Variants in PID1 observed in about 807,000 individuals in gnomAD.
PID1 encodes phosphotyrosine interaction domain containing 1.
PID1 carries 10 observed loss-of-function variants against 19.1 expected under a neutral mutation model. The observed-to-expected ratio is 0.52, with a 90% CI of 0.32 to 0.89. The LOEUF (loss-of-function observed/expected upper bound fraction) is 0.89. Among genes scored for constraint, PID1 ranks in the 40% least tolerant of loss-of-function variants. The pLI is 0.03. For missense variants in PID1, 248 were observed against 285.3 expected, an observed-to-expected ratio of 0.87 and a Z score of 0.94; for synonymous variants, 130 against 116.0, an observed-to-expected ratio of 1.12 and a Z score of -0.78.
intron 1 of PID1, among the ~76,000 whole-genome samples, chr2:229,225,174 A>C (rs971912535): frequency 2.0e-5 from 3 of 152,188 alleles, no homozygotes; most frequent in Non-Finnish European, 2.9e-5. Context: ...ATGATTAACC[A>C]GCAGCTAGAT....
intron 1 of PID1, among the ~76,000 whole-genome samples, chr2:229,244,056 T>C (rs2106278520): frequency 6.6e-6 from 1 of 152,274 alleles, no homozygotes; most frequent in South Asian, 2.1e-4. Flanking sequence ...TGGGACTAAA[T>C]TACTCATTTC....
chr2:229,034,816 T>G (rs912797708), intron 2 of PID1, among the ~76,000 whole-genome samples: 1 of 152,138 alleles, frequency 6.6e-6, no homozygotes, highest in Non-Finnish European at 1.5e-5. Flanking sequence ...TGTGATTTAT[T>G]GGGCAAATAA....
intron 2 of PID1, among the ~76,000 whole-genome samples, chr2:229,100,696 T>A (rs1695057348): frequency 6.6e-6 from 1 of 152,148 alleles, no homozygotes; most frequent in South Asian, 2.1e-4. Context: ...GATGGTTTGG[T>A]TCACTAAAAT....
intron 1 of PID1, among the ~76,000 whole-genome samples, chr2:229,203,337 G>A (rs1446601145): frequency 1.3e-5 from 2 of 152,060 alleles, no homozygotes; most frequent in Admixed American, 6.6e-5. Context: ...TATTAATAAA[G>A]TATAGTAAGT....
intron 2 of PID1, among the ~76,000 whole-genome samples, chr2:229,153,067 G>C (rs1188465185): frequency 1.3e-5 from 2 of 152,172 alleles, no homozygotes; most frequent in Non-Finnish European, 1.5e-5. Flanking sequence ...AATCAGAGAG[G>C]AAACACTGGA....
chr2:229,222,650 C>T (rs1384362597), intron 1 of PID1, among the ~76,000 whole-genome samples: 1 of 151,998 alleles, frequency 6.6e-6, no homozygotes, highest in East Asian at 1.9e-4. Flanking sequence ...CAAGCCTCAC[C>T]CAACCTGTTG....
At chr2:229,253,940 T>G (rs1427513007) in intron 1 of PID1, among the ~76,000 whole-genome samples, 1 of 152,168 alleles carries the variant, frequency 6.6e-6, no homozygotes, top group Non-Finnish European at 1.5e-5. Context: ...AGGGAGAGGA[T>G]ACAGCTCAGA....
chr2:229,229,696 T>C (rs994582963), intron 1 of PID1, among the ~76,000 whole-genome samples: 8 of 152,218 alleles, frequency 5.3e-5, no homozygotes, highest in Non-Finnish European at 1.0e-4. Flanking sequence ...TAACTTTCCT[T>C]ATATCAAAAT....
At chr2:229,163,745 C>T (rs1690544235) in intron 1 of PID1, among the ~76,000 whole-genome samples, 3 of 152,000 alleles carry the variant, frequency 2.0e-5, no homozygotes, top group Admixed American at 2.0e-4. Context: ...TACACACACA[C>T]ACGCACACAC....
chr2:229,093,287 C>A (rs529763351), intron 2 of PID1, among the ~76,000 whole-genome samples: 8 of 151,966 alleles, frequency 5.3e-5, no homozygotes, highest in Non-Finnish European at 1.0e-4. Flanking sequence ...CCATGCCCAG[C>A]TAATTTTTGT....
At chr2:229,226,976 C>A (rs935834162) in intron 1 of PID1, among the ~76,000 whole-genome samples, 1 of 152,080 alleles carries the variant, frequency 6.6e-6, no homozygotes, top group African/African-American at 2.4e-5. Context: ...TATAAAAGAG[C>A]AATCTCCATG....
chr2:229,077,306 T>G (rs906464052), intron 2 of PID1, among the ~76,000 whole-genome samples: 4 of 152,226 alleles, frequency 2.6e-5, no homozygotes, highest in African/African-American at 9.7e-5. Context: ...ATGGATAGAT[T>G]GCAAAAATTT....
At chr2:229,084,661 C>T (rs2215603) in intron 2 of PID1, among the ~76,000 whole-genome samples, 9,710 of 152,230 alleles carry the variant, frequency 0.064, 543 homozygotes, top group Admixed American at 0.18. Context: ...TCAACCACTA[C>T]AGTATTTGTT....
chr2:229,202,560 T>C (rs1197435804), intron 1 of PID1, among the ~76,000 whole-genome samples: 1 of 152,002 alleles, frequency 6.6e-6, no homozygotes, highest in African/African-American at 2.4e-5. Context: ...TTGCCTGATG[T>C]ACTGTTCACA....
rs11354687 is a variant in PID1, at chr2:229,134,403, CTT to C, written c.177+21413_177+21414del. Among the ~76,000 whole-genome samples, 541 of 141,102 alleles carry C rather than the reference CTT, an allele frequency of 3.8e-3. 1 individual carries two copies. Among genetic ancestry groups the C allele is most frequent in the African/African-American group, 7.9e-3 (303 of 38,138 alleles). 92.6% of individuals were successfully genotyped at this position (141,102 alleles called of 152,430 possible). On this transcript the variant is annotated intron_variant, in intron 2 of 2. Coordinates refer to ENST00000392055, the MANE Select transcript of PID1 (RefSeq NM_001100818.2). The stretch of plus-strand genomic sequence containing the variant: ...TACAGGCGCCTGTCACCACTCCTGG[CTT>C]TTTTTTTTTTGTATTTTTAGTAGAG...
intron 1 of PID1, among the ~76,000 whole-genome samples, chr2:229,176,336 T>C (rs1386651330): frequency 1.3e-5 from 2 of 152,200 alleles, no homozygotes; most frequent in African/African-American, 2.4e-5. Context: ...TTGCCTCAGC[T>C]CATAGTCACA....
At chr2:229,108,003 C>A (rs1472065780) in intron 2 of PID1, among the ~76,000 whole-genome samples, 1 of 152,208 alleles carries the variant, frequency 6.6e-6, no homozygotes, top group Non-Finnish European at 1.5e-5. Flanking sequence ...CCGTGCAACA[C>A]ACATACACAC....
intron 2 of PID1, among the ~76,000 whole-genome samples, chr2:229,150,319 C>G (rs1157429645): frequency 6.6e-6 from 1 of 151,922 alleles, no homozygotes; most frequent in African/African-American, 2.4e-5. Context: ...CTGTTCACCT[C>G]GGACATCCAA....
At chr2:229,165,729 A>G (rs1025532364) in intron 1 of PID1, among the ~76,000 whole-genome samples, 15 of 152,218 alleles carry the variant, frequency 9.9e-5, no homozygotes, top group Non-Finnish European at 1.5e-4. Flanking sequence ...ACTATATTCA[A>G]TGTTACACTG....
Sources: allele counts gnomAD v4.1 joint callset (sites outside exome capture counted in the v4.1 genomes callset), GRCh38; gene constraint gnomAD v4.1.1; transcripts MANE v1.5; gene names NCBI Gene and HGNC (gene_info 2026-07-23, HGNC 2026-07-21).